Variants in PAPPA observed in about 807,000 individuals in gnomAD.
The protein encoded by PAPPA is pappalysin-1.
In PAPPA, 60 loss-of-function variants were observed where a neutral mutation model predicts 164.0. The observed-to-expected ratio is 0.37, with a 90% CI of 0.30 to 0.45. The LOEUF is 0.45. Among genes scored for constraint, PAPPA ranks in the 20% least tolerant of loss-of-function variants. The probability of loss-of-function intolerance (pLI) is 1.00; values close to 1 mark genes in which losing one functional copy is unlikely to be tolerated. For synonymous variants in PAPPA, 875 were observed against 814.1 expected, an observed-to-expected ratio of 1.07 and a Z score of -1.27; for missense variants, 1,782 against 2,087.3, an observed-to-expected ratio of 0.85 and a Z score of 2.85.
intron 2 of PAPPA, among the ~76,000 whole-genome samples, chr9:116,203,009 A>G (rs1032258840): frequency 4.6e-5 from 7 of 152,270 alleles, no homozygotes; most frequent in Middle Eastern, 6.8e-3. Flanking sequence ...GAGCTGCAGA[A>G]CAACCAGCAG....
chr9:116,250,294 C>T (rs1844846122), intron 7 of PAPPA, among the ~76,000 whole-genome samples: 1 of 152,176 alleles, frequency 6.6e-6, no homozygotes, highest in Admixed American at 6.5e-5. Context: ...AGCTCCCCTT[C>T]CATTCTGATG....
chr9:116,180,127 A>G (rs911605407), intron 1 of PAPPA, among the ~76,000 whole-genome samples: 1 of 152,052 alleles, frequency 6.6e-6, no homozygotes, highest in Non-Finnish European at 1.5e-5. Flanking sequence ...AATCGCTGGG[A>G]TCTTGGAGTC....
At chr9:116,185,037 G>A (rs772323890) in intron 1 of PAPPA, among the ~76,000 whole-genome samples, 1 of 152,146 alleles carries the variant, frequency 6.6e-6, no homozygotes, top group Non-Finnish European at 1.5e-5. Flanking sequence ...TCAAAGAAGA[G>A]AATAATCACT....
At chr9:116,215,756 A>C (rs1341007065) in intron 4 of PAPPA, among the ~76,000 whole-genome samples, 1 of 152,218 alleles carries the variant, frequency 6.6e-6, no homozygotes, top group Non-Finnish European at 1.5e-5. Flanking sequence ...AAAGTTAAAA[A>C]ACAAACAAAC....
intron 2 of PAPPA, 83 bp downstream of exon 2, chr9:116,188,299 G>GTGGGTGATA (rs1229119958): frequency 3.0e-5 from 30 of 1,004,738 alleles, no homozygotes; most frequent in Non-Finnish European, 4.4e-5. Flanking sequence ...CCTGAGGCCA[G>GTGGGTGATA]TGGGTGATAT....
intron 20 of PAPPA, among the ~76,000 whole-genome samples, chr9:116,381,292 G>A (rs957168224): frequency 6.6e-6 from 1 of 152,098 alleles, no homozygotes; most frequent in African/African-American, 2.4e-5. Context: ...CCACTATGCC[G>A]GTACAATTAC....
intron 11 of PAPPA, 109 bp downstream of exon 11, chr9:116,331,466 T>C (rs1588007147): frequency 4.3e-6 from 3 of 698,428 alleles, no homozygotes; most frequent in East Asian, 2.6e-5. Flanking sequence ...AGGGTGTTAA[T>C]TGTAAGAACA....
rs996144201 is a variant in PAPPA, at chr9:116,344,532, T to C, written c.3612-11T>C. ...GAGACTCCTTCTTCCCCTCGTTTCT[T>C]TCCTCCCCAGCTGCGTGCACTTCGC... On this transcript the variant is annotated splice_polypyrimidine_tract_variant and intron_variant, in intron 13 of 21. Coordinates refer to ENST00000328252, the MANE Select transcript of PAPPA (RefSeq NM_002581.5). The C allele has an allele frequency of 6.9e-6, 11 of 1,604,940 alleles. No individual in the cohort carries two copies. Among genetic ancestry groups the C allele is most frequent in the Non-Finnish European group, 7.7e-6 (9 of 1,172,402 alleles).
intron 19 of PAPPA, among the ~76,000 whole-genome samples, chr9:116,369,454 G>A (rs149446938): frequency 7.4e-4 from 113 of 152,248 alleles, no homozygotes; most frequent in African/African-American, 2.6e-3. Context: ...ACGACAAGCT[G>A]GACTTGTGAT....
At chr9:116,208,829 TGTGTGTGTGTGTGC>T (rs1844270334) in intron 3 of PAPPA, among the ~76,000 whole-genome samples, 1 of 152,114 alleles carries the variant, frequency 6.6e-6, no homozygotes, top group South Asian at 2.1e-4. Context: ...CCAATTTGTG[TGTGTGTGTGTGTGC>T]GTGTGTGTGC....
chr9:116,194,006 G>A (rs749570986), intron 2 of PAPPA, among the ~76,000 whole-genome samples: 1 of 152,246 alleles, frequency 6.6e-6, no homozygotes, highest in Non-Finnish European at 1.5e-5. Flanking sequence ...GGCCAGACAT[G>A]TAGTGATAAT....
chr9:116,256,234 G>A lies in PAPPA; in HGVS notation c.2733-9623G>A, dbSNP rs571496068. ...TTTTACTAAATTTTGACTTTGGTGA[G>A]AAGTATACAAATTAGTATTTTAGAA... On this transcript the variant is annotated intron_variant, in intron 7 of 21. Coordinates refer to ENST00000328252, the MANE Select transcript of PAPPA (RefSeq NM_002581.5). Among the ~76,000 whole-genome samples, 77 of 151,962 alleles carry A rather than the reference G, an allele frequency of 5.1e-4. 1 individual carries two copies. The highest frequency in any genetic ancestry group is 9.7e-4 in the Non-Finnish European group (66 of 67,996).
At chr9:116,329,788 C>G (rs184246994) in intron 10 of PAPPA, among the ~76,000 whole-genome samples, 22 of 152,186 alleles carry the variant, frequency 1.4e-4, no homozygotes, top group Admixed American at 1.0e-3. Flanking sequence ...GGCTAGAGAC[C>G]ATACTGAGCC....
At position 116,212,039 on chromosome 9, in the gene PAPPA, A is replaced by G. The variant is rs1463735118; in HGVS notation, c.1918+107A>G. The G allele has an allele frequency of 3.1e-6, 3 of 952,754 alleles. No individual in the cohort carries two copies. In the African/African-American group the frequency reaches 4.9e-5, roughly 16 times the overall value. 59.0% of individuals were successfully genotyped at this position (952,754 alleles called of 1,614,324 possible). A position where few individuals can be genotyped will look rare whatever the true frequency, so the allele number is the denominator to read the frequency against. On this transcript the variant is annotated intron_variant, in intron 4 of 21. Coordinates refer to ENST00000328252, the MANE Select transcript of PAPPA (RefSeq NM_002581.5). ...AGCTACTTACCATTTCTAAGGATGGAAGGCCTAGCTCTGCCACTTATCCAC... is the reference window on the plus strand; with the variant it reads ...AGCTACTTACCATTTCTAAGGATGGGAGGCCTAGCTCTGCCACTTATCCAC...
rs906065451 is a variant in PAPPA, at chr9:116,400,012, C to A, written c.*3396C>A. 1 of 151,908 alleles carries A rather than the reference C, an allele frequency of 6.6e-6. No individual in the cohort carries two copies. The highest frequency in any genetic ancestry group is 2.4e-5 in the African/African-American group (1 of 41,200). 9.4% of individuals were successfully genotyped at this position (151,908 alleles called of 1,614,324 possible). ...TGTCAATTTGTTGTTATAGGTCTTA[C>A]CTGTGTGAAAGAAAGAAAAAGAAAG... On this transcript the variant is annotated 3_prime_UTR_variant, in exon 22 of 22. Coordinates refer to ENST00000328252, the MANE Select transcript of PAPPA (RefSeq NM_002581.5).
intron 1 of PAPPA, among the ~76,000 whole-genome samples, chr9:116,161,438 G>C (rs986781843): frequency 1.3e-5 from 2 of 152,180 alleles, no homozygotes; most frequent in Non-Finnish European, 2.9e-5. Flanking sequence ...GTGAAGGGCA[G>C]GACTCTGCCT....
chr9:116,173,290 C>A (rs1382009103), intron 1 of PAPPA, among the ~76,000 whole-genome samples: 1 of 152,088 alleles, frequency 6.6e-6, no homozygotes, highest in Admixed American at 6.6e-5. Context: ...GTGTATCAAA[C>A]CTCTCTCTTT....
chr9:116,238,519 C>T (rs183488887), intron 7 of PAPPA, among the ~76,000 whole-genome samples: 3 of 152,242 alleles, frequency 2.0e-5, no homozygotes, highest in African/African-American at 4.8e-5. Flanking sequence ...ATGACTCAGA[C>T]CAGTCCCTTT....
chr9:116,359,319 G>A lies in PAPPA; in HGVS notation c.4348-3273G>A, dbSNP rs551315816. Among the ~76,000 whole-genome samples, 7 of 152,286 alleles carry A rather than the reference G, an allele frequency of 4.6e-5. No individual in the cohort carries two copies. The South Asian group carries it at 1.2e-3, about 27-fold the overall frequency. On this transcript the variant is annotated intron_variant, in intron 17 of 21. Coordinates refer to ENST00000328252, the MANE Select transcript of PAPPA (RefSeq NM_002581.5). ...TATTATTATATGCCTTCAGCTCTCC[G>A]TGGATCTGTGTAGCTAAAGCAGCAG...
Sources: allele counts gnomAD v4.1 joint callset (sites outside exome capture counted in the v4.1 genomes callset), GRCh38; gene constraint gnomAD v4.1.1; transcripts MANE v1.5; gene names NCBI Gene and HGNC (gene_info 2026-07-23, HGNC 2026-07-21).